Variants in NUP155 observed in about 807,000 individuals in gnomAD.
The protein encoded by NUP155 is nuclear pore complex protein Nup155.
Under a neutral mutation model 180.4 loss-of-function variants are expected in NUP155, and 71 were observed. The observed-to-expected ratio is 0.39, with a 90% CI of 0.33 to 0.48. The LOEUF (loss-of-function observed/expected upper bound fraction) is 0.48, where lower values mean the gene tolerates loss of function less well. Ranked by LOEUF, NUP155 falls within the 20% of genes least tolerant of loss-of-function variation. The pLI, the probability that NUP155 is intolerant of heterozygous loss-of-function variation, is 0.91. For missense variants in NUP155, 1,553 were observed against 1,648.9 expected (o/e 0.94, Z 1.01); for synonymous variants, 582 against 559.5 (o/e 1.04, Z -0.57).
intron 21 of NUP155, among the ~76,000 whole-genome samples, chr5:37,316,271 A>G (rs974639527): frequency 6.6e-6 from 1 of 152,260 alleles, no homozygotes; most frequent in African/African-American, 2.4e-5. Context: ...CTGACACGTT[A>G]CAACATGGAT....
chr5:37,299,406 ACTACATAACGTATG>A (rs1742747252), intron 31 of NUP155, 28 bp downstream of exon 31: 3 of 1,612,126 alleles, frequency 1.9e-6, no homozygotes, highest in Non-Finnish European at 2.5e-6. Context: ...CCACCAAGTC[ACTACATAACGTATG>A]CTAACATACC....
At chr5:37,295,901 A>G (rs1393287307) in intron 32 of NUP155, among the ~76,000 whole-genome samples, 1 of 136,276 alleles carries the variant, frequency 7.3e-6, no homozygotes, top group African/African-American at 2.9e-5. Flanking sequence ...CCGCCTGGCC[A>G]GCCGCCCCGT....
intron 1 of NUP155, among the ~76,000 whole-genome samples, chr5:37,368,017 C>T (rs1234513511): frequency 6.6e-6 from 1 of 152,010 alleles, no homozygotes; most frequent in African/African-American, 2.4e-5. Context: ...CTCCTAACCT[C>T]GTGATCTGCC....
intron 32 of NUP155, among the ~76,000 whole-genome samples, chr5:37,296,438 C>G (rs928855644): frequency 6.6e-6 from 1 of 151,866 alleles, no homozygotes. Context: ...GGATTAAGGG[C>G]GGTGCAAGAT....
chr5:37,300,149 A>AT (rs1250258545), intron 30 of NUP155, among the ~76,000 whole-genome samples: 3 of 151,978 alleles, frequency 2.0e-5, no homozygotes, highest in African/African-American at 7.2e-5. Flanking sequence ...TTTAAAATTC[A>AT]TTTTTTCAAA....
chr5:37,307,111 T>C (rs1166891117), intron 25 of NUP155, among the ~76,000 whole-genome samples, 186 bp downstream of exon 25: 1 of 148,078 alleles, frequency 6.8e-6, no homozygotes, highest in African/African-American at 2.5e-5. Flanking sequence ...GGCACGAGAA[T>C]AGCTTGAACC....
chr5:37,344,509 AG>A (rs1365809241), intron 9 of NUP155, among the ~76,000 whole-genome samples: 2 of 150,488 alleles, frequency 1.3e-5, no homozygotes, highest in Non-Finnish European at 3.0e-5. Flanking sequence ...AAAAAAAAAA[AG>A]GTGGCCAGGG....
chr5:37,349,306 T>A, intron 7 of NUP155, 61 bp from the exon 8 acceptor site: 1 of 518,458 alleles, frequency 1.9e-6, no homozygotes, highest in Non-Finnish European at 3.4e-6. Flanking sequence ...ACAAAGCAAA[T>A]ACATTAGCTA....
intron 6 of NUP155, among the ~76,000 whole-genome samples, chr5:37,350,798 A>G (rs181358503): frequency 5.8e-4 from 87 of 150,116 alleles, no homozygotes; most frequent in Non-Finnish European, 1.1e-3. Context: ...CCTGGGTGAT[A>G]CAGTGAGACT....
Position 37,295,274 on chromosome 5 carries a change from C to G in NUP155, c.3794-809G>C, listed in dbSNP as rs1742470670. Reference sequence around the variant, plus strand: ...GTGTTGGCCGGGCTGGTCTCCAGCTCCTAACCGCGAGTGATCCGCCAGCCT... The same window carrying G: ...GTGTTGGCCGGGCTGGTCTCCAGCTGCTAACCGCGAGTGATCCGCCAGCCT... On this transcript the variant is annotated intron_variant, in intron 32 of 34. Coordinates refer to ENST00000231498, the MANE Select transcript of NUP155 (RefSeq NM_153485.3). Among the ~76,000 whole-genome samples the G allele has an allele frequency of 2.0e-5, 3 of 152,180 alleles. No individual in the cohort carries two copies. In the South Asian group the frequency reaches 6.2e-4, roughly 32 times the overall value.
In NUP155 at chr5:37,290,537, T is replaced by G. The variant is rs1189737791; in HGVS notation, c.*1363A>C. The G allele has an allele frequency of 6.6e-6, 1 of 151,962 alleles. No individual in the cohort carries two copies. The highest frequency in any genetic ancestry group is 1.5e-5 in the Non-Finnish European group (1 of 68,002). The allele number at this position is 151,962 out of a possible 1,614,324, so 9.4% of individuals were successfully genotyped here. A position where few individuals can be genotyped will look rare whatever the true frequency, so the allele number is the denominator to read the frequency against. On this transcript the variant is annotated 3_prime_UTR_variant, in exon 35 of 35. Transcript: ENST00000231498. ...TTTTGTTAGCTCTGGTCATTCCCACTCTTCTTCTCTCTTGTTGCTATTACT... is the reference window on the plus strand; with the variant it reads ...TTTTGTTAGCTCTGGTCATTCCCACGCTTCTTCTCTCTTGTTGCTATTACT...
intron 20 of NUP155, among the ~76,000 whole-genome samples, chr5:37,319,906 G>A (rs1300811836): frequency 6.6e-6 from 1 of 152,096 alleles, no homozygotes; most frequent in East Asian, 1.9e-4. Flanking sequence ...AGTAAGGGTG[G>A]ATGCAGTGGG....
In NUP155 at chr5:37,370,920, G is replaced by A. The variant is rs1485485542; in HGVS notation, c.58C>T (p.Gln20Ter). Residue 20 changes from glutamine to a stop codon, truncating the protein, a stop_gained, in exon 1 of 35, where the codon CAG (glutamine) becomes TAG (stop). Coordinates refer to ENST00000231498, the MANE Select transcript of NUP155 (RefSeq NM_153485.3). LOFTEE classifies it high-confidence loss of function. ...MPASTSAAAL[Q>*]EALENAGRLI... is the part of the protein sequence containing the mutation. ...CGTCCAGCATTTTCCAGAGCTTCCTGCAGGGCTGCGGCAGATGTAGAGGCC... is the reference window on the plus strand; with the variant it reads ...CGTCCAGCATTTTCCAGAGCTTCCTACAGGGCTGCGGCAGATGTAGAGGCC... The A allele has an allele frequency of 1.2e-6, 2 of 1,614,162 alleles. No individual in the cohort carries two copies. Among genetic ancestry groups the A allele is most frequent in the Non-Finnish European group, 1.7e-6 (2 of 1,180,038 alleles).
intron 20 of NUP155, among the ~76,000 whole-genome samples, chr5:37,319,546 T>A (rs1310788386): frequency 6.6e-6 from 1 of 152,148 alleles, no homozygotes. Context: ...ATATTCAATA[T>A]GTTAAATATA....
rs367570971 is a variant in NUP155 at position 37,331,688 on chromosome 5, A to C, written c.1626T>G (p.His542Gln). The C allele has an allele frequency of 3.8e-5, 59 of 1,547,892 alleles. No individual in the cohort carries two copies. The highest frequency in any genetic ancestry group is 5.0e-5 in the Non-Finnish European group (56 of 1,123,536). The change falls in exon 14 of 35, where the codon CAT becomes CAG. Residue 542 changes from histidine (H) to glutamine (Q), a missense_variant. Physicochemically the swap from His to Gln is conservative, Grantham distance 24. Coordinates refer to ENST00000231498, the MANE Select transcript of NUP155 (RefSeq NM_153485.3). ...GEEIERFFKL[H>Q]QEDQACATCL... The stretch of plus-strand genomic sequence containing the variant: ...TTTTAAAAGTATATATAATTACCTG[A>C]TGTAATTTAAAGAATCTTTCAATCT...
At chr5:37,355,069 G>C (rs1326606968) in intron 4 of NUP155, among the ~76,000 whole-genome samples, 1 of 151,618 alleles carries the variant, frequency 6.6e-6, no homozygotes. Context: ...TCCAGCCTGG[G>C]CGACAGAATG....
intron 6 of NUP155, among the ~76,000 whole-genome samples, chr5:37,350,819 TAAAAAAAAAAAAA>T (rs57132136): frequency 1.0e-5 from 1 of 100,490 alleles, no homozygotes; most frequent in Non-Finnish European, 2.1e-5. Flanking sequence ...CCATCACATT[TAAAAAAAAAAAAA>T]AAAAAAAAGC....
At chr5:37,301,686 A>T in intron 29 of NUP155, 136 bp from the exon 30 acceptor site, 1 of 684,304 alleles carries the variant, frequency 1.5e-6, no homozygotes, top group Non-Finnish European at 2.7e-6. Flanking sequence ...TAATAGGCTA[A>T]TATTATCATA....
At chr5:37,333,343 G>GACA in intron 13 of NUP155, 120 bp downstream of exon 13, 1 of 911,338 alleles carries the variant, frequency 1.1e-6, no homozygotes, top group Non-Finnish European at 1.8e-6. Flanking sequence ...TGATGAGCGA[G>GACA]ACTCCGTCTC....
Sources: gnomAD v4.1 joint callset for allele counts (sites outside exome capture counted in the v4.1 genomes callset) on GRCh38, gnomAD v4.1.1 for gene constraint, MANE v1.5 for transcripts, NCBI Gene and HGNC (gene_info 2026-07-23, HGNC 2026-07-21) for gene names.